ZNF227: variants seen among roughly 807,000 people sequenced by gnomAD.
ZNF227 encodes zinc finger protein 227.
A neutral mutation model predicts 13.2 loss-of-function variants in ZNF227; 12 were observed. The ratio of observed to expected loss-of-function variants is 0.91; its 90% CI spans 0.58 to 1.47. The LOEUF (loss-of-function observed/expected upper bound fraction) is 1.47. ZNF227 is among the 40% of genes most tolerant of loss of function. The pLI is 0.00. For missense variants in ZNF227, 885 were observed against 967.5 expected, an observed-to-expected ratio of 0.91 and a Z score of 1.13; for synonymous variants, 338 against 326.0, an observed-to-expected ratio of 1.04 and a Z score of -0.40.
rs1236521452 is a variant in ZNF227, at chr19:44,237,091, T to C, written c.*261T>C. 1 of 348,246 alleles carries C rather than the reference T, an allele frequency of 2.9e-6. No homozygotes were observed. Among genetic ancestry groups the C allele is most frequent in the Non-Finnish European group, 5.2e-6 (1 of 192,768 alleles). 21.6% of individuals were successfully genotyped at this position (348,246 alleles called of 1,614,324 possible). A position where few individuals can be genotyped will look rare whatever the true frequency, so the allele number is the denominator to read the frequency against. ...ATGATCACCTTTCATTGTGAATATA[T>C]GCCTGAAGATAATGTGTGGAAGGAT... is the stretch of plus-strand genomic sequence containing the variant. On this transcript the variant is annotated 3_prime_UTR_variant, in exon 6 of 6. Coordinates refer to ENST00000313040, the MANE Select transcript of ZNF227 (RefSeq NM_182490.3).
intron 3 of ZNF227, among the ~76,000 whole-genome samples, chr19:44,223,170 AT>A (rs1237156551): frequency 6.6e-6 from 1 of 152,186 alleles, no homozygotes; most frequent in Non-Finnish European, 1.5e-5. Context: ...GTTTGCCAGT[AT>A]TTTATTGAGG....
At position 44,219,758 on chromosome 19, in the gene ZNF227, CTTTTA is replaced by C. The variant is rs1365565520; in HGVS notation, c.60+1910_60+1914del. On this transcript the variant is annotated intron_variant, in intron 3 of 5. Transcript: ENST00000313040. ...ACTTTTTTTTTTGGATGTTGATTTT[CTTTTA>C]TTTATTTATTTATTTATTTATTTAT... is the stretch of plus-strand genomic sequence containing the variant. Among the ~76,000 whole-genome samples, 7 of 147,376 alleles carry C rather than the reference CTTTTA, an allele frequency of 4.7e-5. No homozygotes were observed. In the East Asian group the frequency reaches 7.8e-4, roughly 16 times the overall value.
upstream of ZNF227, among the ~76,000 whole-genome samples, chr19:44,211,226 AAC>A (rs1286418026): frequency 6.6e-6 from 1 of 150,672 alleles, no homozygotes; most frequent in African/African-American, 2.4e-5. Context: ...CAACAACAAC[AAC>A]AAAACAGAAC....
At chr19:44,208,610 A>G (rs749588021), upstream of ZNF227, among the ~76,000 whole-genome samples, 2 of 152,242 alleles carry the variant, frequency 1.3e-5, no homozygotes, top group Non-Finnish European at 2.9e-5. Context: ...ATGCTCTAAG[A>G]AAAAGAAGAG....
intron 3 of ZNF227, among the ~76,000 whole-genome samples, chr19:44,222,296 G>T (rs1972612329): frequency 6.6e-6 from 1 of 152,168 alleles, no homozygotes; most frequent in Non-Finnish European, 1.5e-5. Context: ...CCTATTCTGT[G>T]AAGAAAGTCA....
At chr19:44,225,313 C>T (rs1973000827) in intron 3 of ZNF227, among the ~76,000 whole-genome samples, 2 of 152,076 alleles carry the variant, frequency 1.3e-5, no homozygotes, top group South Asian at 2.1e-4. Context: ...GAATGTTGGC[C>T]TGCCTTGCTA....
chr19:44,213,948 TA>T (rs1971583537), intron 2 of ZNF227, among the ~76,000 whole-genome samples: 1 of 152,238 alleles, frequency 6.6e-6, no homozygotes, highest in Admixed American at 6.5e-5. Context: ...ATGTGTGCCC[TA>T]GGAGCACTTG....
chr19:44,227,190 ATATATT>A (rs1361982625), intron 3 of ZNF227: 1 of 152,220 alleles, frequency 6.6e-6, no homozygotes, highest in African/African-American at 2.4e-5. Flanking sequence ...AGTGCTTGAC[ATATATT>A]CATTCATCTG....
In ZNF227 at chr19:44,228,550, C is replaced by T. The variant is rs756148546; in HGVS notation, c.165C>T (p.Asn55=). 1 of 1,612,894 alleles carries T rather than the reference C, an allele frequency of 6.2e-7. No individual in the cohort carries two copies. The highest frequency in any genetic ancestry group is 2.2e-5 in the East Asian group (1 of 44,786). ...TGTACCGAGATGTCATGGTGGAGAA[C>T]TTCAAGAACCTGGTTGCAGTGGGTG... ...RKLYRDVMVE[N]FKNLVAVGHL... is the part of the protein sequence containing the mutation. Residue 55 remains asparagine (N), a synonymous_variant, in exon 4 of 6, where the codon AAC becomes AAT. Coordinates refer to ENST00000313040, the MANE Select transcript of ZNF227 (RefSeq NM_182490.3).
At chr19:44,224,892 G>C (rs1972931472) in intron 3 of ZNF227, among the ~76,000 whole-genome samples, 2 of 152,184 alleles carry the variant, frequency 1.3e-5, no homozygotes. Context: ...GCATGATTTT[G>C]CAGTGGCTGG....
intron 3 of ZNF227, among the ~76,000 whole-genome samples, chr19:44,227,848 G>A (rs1973338149): frequency 6.6e-6 from 1 of 152,192 alleles, no homozygotes; most frequent in East Asian, 1.9e-4. Flanking sequence ...TGTAGTAGGT[G>A]GATGTGACAT....
intron 2 of ZNF227, chr19:44,217,588 A>G (rs1568594468): frequency 1.4e-6 from 1 of 727,332 alleles, no homozygotes; most frequent in Non-Finnish European, 2.5e-6. Context: ...TGTAGCAAGG[A>G]TGCTGCACTT....
chr19:44,218,622 A>C (rs1481583275), intron 3 of ZNF227, among the ~76,000 whole-genome samples: 1 of 152,248 alleles, frequency 6.6e-6, no homozygotes, highest in Non-Finnish European at 1.5e-5. Context: ...GTCTAGTAGT[A>C]CTTAGATGTC....
At chr19:44,209,243 C>G (rs931141169), upstream of ZNF227, among the ~76,000 whole-genome samples, 1 of 152,190 alleles carries the variant, frequency 6.6e-6, no homozygotes, top group Non-Finnish European at 1.5e-5. Flanking sequence ...CATCATTTGT[C>G]TTTAACTCTT....
Position 44,235,986 on chromosome 19 carries a change from G to T in ZNF227, c.1556G>T (p.Arg519Leu). ...VHQNVHTGEK[R>L]FKCETCGKGF... ...CAGAATGTCCACACTGGGGAGAAAC[G>T]ATTCAAGTGTGAAACGTGTGGGAAG... is the stretch of plus-strand genomic sequence containing the variant. The change falls in exon 6 of 6, where the codon CGA becomes CTA. Residue 519 changes from arginine (R) to leucine (L), a missense_variant. Arg to Leu is a moderately radical substitution (Grantham distance 102). Coordinates refer to ENST00000313040, the MANE Select transcript of ZNF227 (RefSeq NM_182490.3). 1 of 1,611,854 alleles carries T rather than the reference G, an allele frequency of 6.2e-7. No homozygotes were observed.
upstream of ZNF227, among the ~76,000 whole-genome samples, chr19:44,211,032 A>T (rs1971339228): frequency 6.6e-6 from 1 of 152,098 alleles, no homozygotes. Context: ...CGTCTCTACT[A>T]AAAATACAAA....
intron 3 of ZNF227, among the ~76,000 whole-genome samples, chr19:44,219,886 C>T (rs973012824): frequency 1.3e-5 from 2 of 151,708 alleles, no homozygotes; most frequent in East Asian, 1.9e-4. Context: ...CCCATTAACT[C>T]GTCATTTAGC....
upstream of ZNF227, among the ~76,000 whole-genome samples, chr19:44,211,881 T>C (rs574374386): frequency 7.3e-4 from 109 of 148,700 alleles, 1 homozygote; most frequent in African/African-American, 2.6e-3. Flanking sequence ...ATCTGTTTCT[T>C]ATAATAGTTT....
chr19:44,235,009 G>C lies in ZNF227; in HGVS notation c.579G>C (p.Lys193Asn), dbSNP rs1218307115. Residue 193 changes from lysine (K) to asparagine (N), a missense_variant, in exon 6 of 6, where the codon AAG (lysine) becomes AAC (asparagine). Lys to Asn is a moderately conservative substitution (Grantham distance 94). Transcript: ENST00000313040. ...AGTCACAGATTCAGAGTAGAGGTAA[G>C]CAAATTGATGTGAAAAATAACCTGC... is the stretch of plus-strand genomic sequence containing the variant. ...LSESQIQSRG[K>N]QIDVKNNLQI... The C allele has an allele frequency of 3.7e-6, 6 of 1,614,016 alleles. No homozygotes were observed. In the African/African-American group the frequency reaches 8.0e-5, roughly 22 times the overall value.
Sources: gnomAD v4.1 joint callset for allele counts (sites outside exome capture counted in the v4.1 genomes callset) on GRCh38, gnomAD v4.1.1 for gene constraint, MANE v1.5 for transcripts, NCBI Gene and HGNC (gene_info 2026-07-23, HGNC 2026-07-21) for gene names.